PHYHIPL: variants seen among roughly 807,000 people sequenced by gnomAD.
PHYHIPL encodes phytanoyl-CoA 2-hydroxylase interacting protein like.
In PHYHIPL, 9 loss-of-function variants were observed where a neutral mutation model predicts 33.4. That is an observed-to-expected ratio of 0.27 (90% CI 0.16 to 0.47). The LOEUF is 0.47. Ranked by LOEUF, PHYHIPL falls within the 20% of genes least tolerant of loss-of-function variation. The probability of loss-of-function intolerance (pLI) is 0.99; values close to 1 mark genes in which losing one functional copy is unlikely to be tolerated. For missense variants in PHYHIPL, 365 were observed against 460.7 expected, an observed-to-expected ratio of 0.79 and a Z score of 1.90; for synonymous variants, 153 against 154.1, an observed-to-expected ratio of 0.99 and a Z score of 0.05.
At chr10:59,200,687 T>C (rs1839075315) in intron 1 of PHYHIPL, among the ~76,000 whole-genome samples, 1 of 152,320 alleles carries the variant, frequency 6.6e-6, no homozygotes, top group South Asian at 2.1e-4. Flanking sequence ...CATCTGGTCC[T>C]GGACTTTTTT....
At chr10:59,199,542 C>G (rs2133214103) in intron 1 of PHYHIPL, among the ~76,000 whole-genome samples, 1 of 152,188 alleles carries the variant, frequency 6.6e-6, no homozygotes, top group East Asian at 1.9e-4. Flanking sequence ...AATGAGGGCT[C>G]TTTTTTGGTT....
intron 4 of PHYHIPL, among the ~76,000 whole-genome samples, chr10:59,243,226 C>A (rs1277901116): frequency 6.6e-6 from 1 of 151,860 alleles, no homozygotes; most frequent in East Asian, 1.9e-4. Flanking sequence ...AATTACCTAG[C>A]AAAAGAAAGT....
chr10:59,246,960 A>C lies in PHYHIPL; in HGVS notation c.*1369A>C, dbSNP rs1267571162. 4.4e-6 allele frequency: 1 copy of C among 227,986 alleles called. No homozygotes were observed. Among genetic ancestry groups the C allele is most frequent in the African/African-American group, 2.2e-5 (1 of 44,478 alleles). The allele number at this position is 227,986 out of a possible 1,614,324, so 14.1% of individuals were successfully genotyped here. A position where few individuals can be genotyped will look rare whatever the true frequency, so the allele number is the denominator to read the frequency against. ...ACAAAGATAATAATTCACAAAGTACATGCTATCAGAATGAACTTTGGTAAC... is the reference window on the plus strand; with the variant it reads ...ACAAAGATAATAATTCACAAAGTACCTGCTATCAGAATGAACTTTGGTAAC... On this transcript the variant is annotated 3_prime_UTR_variant, in exon 5 of 5. Coordinates refer to ENST00000373880, the MANE Select transcript of PHYHIPL (RefSeq NM_032439.4).
chr10:59,180,324 A>G lies in PHYHIPL; in HGVS notation c.106+3365A>G, dbSNP rs1334737494. 8.7e-3 allele frequency among the ~76,000 whole-genome samples: 292 copies of G among 33,450 alleles called. 4 individuals are homozygous for G. The highest frequency in any genetic ancestry group is 0.035 in the African/African-American group (278 of 7,950). The allele number at this position is 33,450 out of a possible 152,430, so 21.9% of individuals were successfully genotyped here. ...ATATATATAGAAAAAGTATATATAT[A>G]TATATATATATATATATATATATAT... On this transcript the variant is annotated intron_variant, in intron 1 of 4. Transcript: ENST00000373880.
chr10:59,232,829 G>A (rs977316776), intron 1 of PHYHIPL, among the ~76,000 whole-genome samples: 22 of 151,992 alleles, frequency 1.4e-4, no homozygotes, highest in Admixed American at 6.6e-5. Context: ...TTAATGGGTT[G>A]AAATGTGAGC....
In PHYHIPL at chr10:59,239,372, C is replaced by T. The variant is rs1221053896; in HGVS notation, c.596+667C>T. ...AACTCCCCTTTTAAAACCATCAGAT[C>T]TCATGAGACTCATTCACTATCATGA... On this transcript the variant is annotated intron_variant, in intron 4 of 4. Coordinates refer to ENST00000373880, the MANE Select transcript of PHYHIPL (RefSeq NM_032439.4). Among the ~76,000 whole-genome samples the T allele has an allele frequency of 2.0e-5, 3 of 152,078 alleles. No homozygotes were observed. In the East Asian group the frequency reaches 5.8e-4, roughly 29 times the overall value.
intron 1 of PHYHIPL, among the ~76,000 whole-genome samples, chr10:59,178,447 T>A (rs1418144199): frequency 6.6e-6 from 1 of 152,166 alleles, no homozygotes; most frequent in East Asian, 1.9e-4. Context: ...TAATAACGCA[T>A]AGGAAGTCAT....
chr10:59,212,668 A>G (rs193143484), intron 1 of PHYHIPL, among the ~76,000 whole-genome samples: 2 of 152,284 alleles, frequency 1.3e-5, no homozygotes, highest in African/African-American at 2.4e-5. Context: ...CTCTGAACCT[A>G]TTCTGGTTTG....
chr10:59,243,467 A>C (rs1369877663), intron 4 of PHYHIPL, among the ~76,000 whole-genome samples: 2 of 152,198 alleles, frequency 1.3e-5, no homozygotes, highest in Non-Finnish European at 2.9e-5. Flanking sequence ...TACAAGTAAA[A>C]GTATAGGGTC....
At chr10:59,177,011 C>T (rs572026160) in intron 1 of PHYHIPL, 52 bp downstream of exon 1, 10 of 1,523,628 alleles carry the variant, frequency 6.6e-6, no homozygotes, top group African/African-American at 1.4e-5. Context: ...GCCGAGGCGC[C>T]GGGGCCACTC....
At chr10:59,199,572 G>GT (rs1306705987) in intron 1 of PHYHIPL, among the ~76,000 whole-genome samples, 1 of 152,134 alleles carries the variant, frequency 6.6e-6, no homozygotes, top group Non-Finnish European at 1.5e-5. Context: ...CTTTAAAGTA[G>GT]TTTTTTCCAA....
At chr10:59,177,094 T>C in intron 1 of PHYHIPL, 135 bp downstream of exon 1, 1 of 709,982 alleles carries the variant, frequency 1.4e-6, no homozygotes, top group Admixed American at 2.9e-5. Context: ...AATGCAGATG[T>C]GGGTTACCCT....
upstream of PHYHIPL, among the ~76,000 whole-genome samples, chr10:59,175,507 C>T (rs1838233942): frequency 6.6e-6 from 1 of 152,148 alleles, no homozygotes; most frequent in African/African-American, 2.4e-5. Flanking sequence ...TAAAAGGGAA[C>T]TTATATTAAT....
At chr10:59,191,005 C>T (rs972832832) in intron 1 of PHYHIPL, among the ~76,000 whole-genome samples, 4 of 151,866 alleles carry the variant, frequency 2.6e-5, no homozygotes, top group African/African-American at 9.7e-5. Flanking sequence ...ACAACTTTTA[C>T]AGGAGCTACC....
At chr10:59,222,932 C>T (rs1839820767) in intron 1 of PHYHIPL, among the ~76,000 whole-genome samples, 1 of 152,150 alleles carries the variant, frequency 6.6e-6, no homozygotes, top group Non-Finnish European at 1.5e-5. Flanking sequence ...TCATTTCATA[C>T]TCATTTACCC....
chr10:59,188,078 T>C (rs1485205716), intron 1 of PHYHIPL, among the ~76,000 whole-genome samples: 1 of 152,232 alleles, frequency 6.6e-6, no homozygotes, highest in African/African-American at 2.4e-5. Context: ...TTTTAGATCT[T>C]TCCTGCTTTC....
intron 1 of PHYHIPL, among the ~76,000 whole-genome samples, chr10:59,203,385 A>G (rs1839184002): frequency 1.3e-5 from 2 of 152,196 alleles, no homozygotes; most frequent in South Asian, 4.1e-4. Context: ...TAGAACTAGA[A>G]ATACCATTTG....
chr10:59,241,428 A>G (rs1840392163), intron 4 of PHYHIPL, among the ~76,000 whole-genome samples: 1 of 152,164 alleles, frequency 6.6e-6, no homozygotes, highest in African/African-American at 2.4e-5. Context: ...ACTCCAAATG[A>G]AAACACCACT....
At chr10:59,190,079 T>G (rs1838743126) in intron 1 of PHYHIPL, among the ~76,000 whole-genome samples, 1 of 152,046 alleles carries the variant, frequency 6.6e-6, no homozygotes, top group South Asian at 2.1e-4. Context: ...AAGTAGCATT[T>G]TATTGTGTAA....
Sources: allele counts gnomAD v4.1 joint callset (sites outside exome capture counted in the v4.1 genomes callset), GRCh38; gene constraint gnomAD v4.1.1; transcripts MANE v1.5; gene names NCBI Gene and HGNC (gene_info 2026-07-23, HGNC 2026-07-21).